DHRS7B: variants seen among roughly 807,000 people sequenced by gnomAD.
The protein encoded by DHRS7B is dehydrogenase/reductase 7B, also known as peroxisomal reductase activating PPAR-gamma.
DHRS7B carries 24 observed loss-of-function variants against 26.4 expected under a neutral mutation model. That is an observed-to-expected ratio of 0.91 (90% confidence interval 0.66 to 1.28). The LOEUF (loss-of-function observed/expected upper bound fraction) is 1.28, where lower values mean the gene tolerates loss of function less well. DHRS7B is among the 50% of genes most tolerant of loss of function. The pLI, the probability that DHRS7B is intolerant of heterozygous loss-of-function variation, is 0.00. For synonymous variants in DHRS7B, 142 were observed against 166.4 expected (o/e 0.85, Z 1.13); for missense variants, 368 against 419.4 (o/e 0.88, Z 1.07).
At chr17:21,166,304 G>A (rs1183770532) in intron 1 of DHRS7B, 1 of 985,308 alleles carries the variant, frequency 1.0e-6, no homozygotes, top group Non-Finnish European at 1.2e-6. Flanking sequence ...AAACCAGGGA[G>A]CTGAAGGCTG....
chr17:21,146,214 G>A (rs1973639975), intron 1 of DHRS7B, among the ~76,000 whole-genome samples: 1 of 152,152 alleles, frequency 6.6e-6, no homozygotes, highest in African/African-American at 2.4e-5. Flanking sequence ...CTCAAGACCA[G>A]CCTGGGCAAC....
chr17:21,171,722 T>C, intron 1 of DHRS7B: 1 of 503,770 alleles, frequency 2.0e-6, no homozygotes, highest in Non-Finnish European at 3.6e-6. Context: ...CACCTCTTCC[T>C]GTAACACTGT....
At chr17:21,133,598 C>T (rs187404476) in intron 1 of DHRS7B, among the ~76,000 whole-genome samples, 1 of 152,310 alleles carries the variant, frequency 6.6e-6, no homozygotes, top group Admixed American at 6.5e-5. Context: ...CTAGAAGGAG[C>T]CCAAGATATT....
At chr17:21,164,030 C>CTTTTTTTTTCTTTTTTTTTTTTTT (rs1974055778) in intron 1 of DHRS7B, among the ~76,000 whole-genome samples, 1 of 96,976 alleles carries the variant, frequency 1.0e-5, no homozygotes, top group African/African-American at 5.1e-5. Flanking sequence ...AATTGTTGTG[C>CTTTTTTTTTCTTTTTTTTTTTTTT]TTTTTTTTTT....
At chr17:21,160,693 C>G (rs939269842) in intron 1 of DHRS7B, among the ~76,000 whole-genome samples, 1 of 152,184 alleles carries the variant, frequency 6.6e-6, no homozygotes, top group African/African-American at 2.4e-5. Flanking sequence ...GTACTCTTAA[C>G]ATACACCACA....
chr17:21,147,888 C>T (rs1973675920), intron 1 of DHRS7B, among the ~76,000 whole-genome samples: 2 of 152,030 alleles, frequency 1.3e-5, no homozygotes, highest in Admixed American at 1.3e-4. Context: ...GAGGTTTCAC[C>T]TACAGGTCCC....
At chr17:21,182,624 G>A (rs1457026756) in intron 3 of DHRS7B, among the ~76,000 whole-genome samples, 2 of 152,146 alleles carry the variant, frequency 1.3e-5, no homozygotes, top group Non-Finnish European at 2.9e-5. Context: ...CTGGGCTCAA[G>A]CAAGCCTCCC....
chr17:21,164,491 G>A (rs893760450), intron 1 of DHRS7B, among the ~76,000 whole-genome samples: 3 of 152,160 alleles, frequency 2.0e-5, no homozygotes, highest in Non-Finnish European at 4.4e-5. Context: ...GTTGTTATAT[G>A]TAATTTTTAA....
At chr17:21,130,489 T>C (rs1348339360) in intron 1 of DHRS7B, among the ~76,000 whole-genome samples, 1 of 152,192 alleles carries the variant, frequency 6.6e-6, no homozygotes, top group Non-Finnish European at 1.5e-5. Context: ...TCCTGGGTTT[T>C]ACTGTATTTA....
intron 1 of DHRS7B, chr17:21,127,242 A>T (rs554675639): frequency 6.3e-6 from 3 of 476,022 alleles, no homozygotes; most frequent in East Asian, 7.2e-5. Context: ...TCTTGAGTCC[A>T]GTTTCCGCTG....
Position 21,172,208 on chromosome 17 carries a change from A to T in DHRS7B, c.199+12A>T. The T allele has an allele frequency of 6.2e-7, 1 of 1,605,022 alleles. No individual in the cohort carries two copies. Among genetic ancestry groups the T allele is most frequent in the Non-Finnish European group, 8.5e-7 (1 of 1,176,204 alleles). Reference sequence around the variant, plus strand: ...AGGGCTGGGCAAAGGTGGGTCCTGGAGGCAGTGCTGCCAGGGGGCGGGGGT... The same window carrying T: ...AGGGCTGGGCAAAGGTGGGTCCTGGTGGCAGTGCTGCCAGGGGGCGGGGGT... On this transcript the variant is annotated intron_variant, in intron 2 of 6. Coordinates refer to ENST00000395511, the MANE Select transcript of DHRS7B (RefSeq NM_015510.5).
intron 1 of DHRS7B, among the ~76,000 whole-genome samples, chr17:21,141,738 C>CA (rs375398407): frequency 0.059 from 8,146 of 138,214 alleles, 586 homozygotes; most frequent in African/African-American, 0.18. Flanking sequence ...GGTAAAACTC[C>CA]AAAAAAAAAA....
At chr17:21,140,856 T>A (rs1973491171) in intron 1 of DHRS7B, among the ~76,000 whole-genome samples, 1 of 152,190 alleles carries the variant, frequency 6.6e-6, no homozygotes, top group African/African-American at 2.4e-5. Context: ...GTCATTCTCC[T>A]TTTCTCCTCA....
At chr17:21,171,494 C>T (rs958211667) in intron 1 of DHRS7B, among the ~76,000 whole-genome samples, 1 of 152,196 alleles carries the variant, frequency 6.6e-6, no homozygotes, top group African/African-American at 2.4e-5. Context: ...ATCTGTGGCC[C>T]TCACTGTAAC....
intron 1 of DHRS7B, among the ~76,000 whole-genome samples, chr17:21,156,748 A>G (rs1356977963): frequency 4.0e-5 from 6 of 151,476 alleles, no homozygotes; most frequent in African/African-American, 1.2e-4. Flanking sequence ...CCCTGTCTCT[A>G]CTGAAAATAC....
intron 1 of DHRS7B, among the ~76,000 whole-genome samples, chr17:21,145,652 G>A (rs1197415222): frequency 2.2e-4 from 34 of 152,142 alleles, no homozygotes; most frequent in Admixed American, 2.2e-3. Flanking sequence ...AAAGTCATAT[G>A]CATGTAGAAA....
chr17:21,180,309 A>G (rs1478958166), intron 3 of DHRS7B, among the ~76,000 whole-genome samples: 1 of 151,184 alleles, frequency 6.6e-6, no homozygotes, highest in African/African-American at 2.4e-5. Context: ...TCTTGACCTC[A>G]TGATCCACCT....
intron 1 of DHRS7B, among the ~76,000 whole-genome samples, chr17:21,170,032 C>T (rs961102373): frequency 6.6e-6 from 1 of 152,124 alleles, no homozygotes; most frequent in African/African-American, 2.4e-5. Context: ...TGAACTCTTC[C>T]CAAGCCCCCA....
chr17:21,185,811 C>T (rs1974619193), intron 5 of DHRS7B, among the ~76,000 whole-genome samples: 1 of 151,914 alleles, frequency 6.6e-6, no homozygotes, highest in Non-Finnish European at 1.5e-5. Context: ...CCTCAGCCTC[C>T]TGAGTAGCTG....
Sources: gnomAD v4.1 joint callset for allele counts (sites outside exome capture counted in the v4.1 genomes callset) on GRCh38, gnomAD v4.1.1 for gene constraint, MANE v1.5 for transcripts, NCBI Gene and HGNC (gene_info 2026-07-23, HGNC 2026-07-21) for gene names.